The following PRDM12 variants were observed in gnomAD, a reference collection of about 807,000 sequenced individuals.
PRDM12 encodes the protein PR/SET domain 12.
PRDM12 carries 17 observed loss-of-function variants against 29.6 expected under a neutral mutation model. The ratio of observed to expected loss-of-function variants is 0.57; its 90% CI spans 0.39 to 0.86. The LOEUF (loss-of-function observed/expected upper bound fraction) is 0.86. PRDM12 is among the 40% of genes least tolerant of loss of function. The pLI is 0.00. For missense variants in PRDM12, 422 were observed against 510.8 expected, an observed-to-expected ratio of 0.83 and a Z score of 1.68; for synonymous variants, 231 against 225.8, an observed-to-expected ratio of 1.02 and a Z score of -0.21.
In PRDM12 at chr9:130,664,673, C is replaced by T. The variant is rs779277068; in HGVS notation, c.20C>T (p.Pro7Leu). Residue 7 changes from proline (P) to leucine (L), a missense_variant, in exon 1 of 5, where the codon CCG (proline) becomes CTG (leucine). By Grantham distance (98) the Pro-to-Leu change is moderately conservative. This residue lies in a region of PRDM12 where 300 missense variants were observed against 350.0 expected (regional missense o/e 0.86). Transcript: ENST00000253008. The surrounding 1 kb of genome is among the most constrained non-coding windows in gnomAD (Gnocchi z 6.4). ...CCGCCCATGATGGGCTCCGTGCTCC[C>T]GGCTGAGGCCCTGGTGCTCAAGACC... is the stretch of plus-strand genomic sequence containing the variant. MMGSVLPAEALVLKTGL... is the reference protein window; with the variant it reads MMGSVLLAEALVLKTGL... 2.5e-6 allele frequency: 4 copies of T among 1,600,032 alleles called. No individual in the cohort carries two copies. The highest frequency in any genetic ancestry group is 1.7e-5 in the Admixed American group (1 of 59,116).
At chr9:130,680,637 ATATATATATATATATATATATATTTT>A (rs1830887762) in intron 4 of PRDM12, among the ~76,000 whole-genome samples, 1 of 71,020 alleles carries the variant, frequency 1.4e-5, no homozygotes, top group Non-Finnish European at 2.5e-5. Context: ...AAAAAAAAAT[ATATATATATATATATATATATATTTT>A]TTTTTTTTTT....
chr9:130,678,872 T>G (rs758695497), intron 4 of PRDM12, among the ~76,000 whole-genome samples: 4 of 151,844 alleles, frequency 2.6e-5, no homozygotes, highest in African/African-American at 9.7e-5. Context: ...CTGGCCAGAA[T>G]AGACTGTCTG....
intron 3 of PRDM12, among the ~76,000 whole-genome samples, chr9:130,671,052 A>G (rs1351845686): frequency 6.6e-6 from 1 of 152,180 alleles, no homozygotes; most frequent in Non-Finnish European, 1.5e-5. Flanking sequence ...TAAGTTGAAA[A>G]AAGAGGATCA....
intron 4 of PRDM12, among the ~76,000 whole-genome samples, chr9:130,679,111 A>G (rs943869840): frequency 1.2e-4 from 18 of 152,184 alleles, no homozygotes; most frequent in African/African-American, 4.1e-4. Flanking sequence ...TGTCTGGTGC[A>G]GGGCCTGGCA....
At chr9:130,673,893 A>C (rs1588186932) in intron 3 of PRDM12, among the ~76,000 whole-genome samples, 1 of 150,736 alleles carries the variant, frequency 6.6e-6, no homozygotes, top group Non-Finnish European at 1.5e-5. Flanking sequence ...CTGGTCTCGA[A>C]CTCCCAACCT....
rs779277068 is a variant in PRDM12 at position 130,664,673 on chromosome 9, C to G, written c.20C>G (p.Pro7Arg). The change falls in exon 1 of 5, where the codon CCG (proline) becomes CGG (arginine). Residue 7 changes from proline (P) to arginine (R), a missense_variant. Pro to Arg is a moderately radical substitution (Grantham distance 103, BLOSUM62 -2). This residue lies in a region of PRDM12 where 300 missense variants were observed against 350.0 expected (regional missense o/e 0.86). Coordinates refer to ENST00000253008, the MANE Select transcript of PRDM12 (RefSeq NM_021619.3). The surrounding 1 kb of genome is among the most constrained non-coding windows in gnomAD (Gnocchi z 6.4). The stretch of plus-strand genomic sequence containing the variant: ...CCGCCCATGATGGGCTCCGTGCTCC[C>G]GGCTGAGGCCCTGGTGCTCAAGACC... Reference protein sequence around the residue: MMGSVLPAEALVLKTGL... With the variant: MMGSVLRAEALVLKTGL... 6.2e-7 allele frequency: 1 copy of G among 1,600,034 alleles called. No individual in the cohort carries two copies. Among genetic ancestry groups the G allele is most frequent in the Admixed American group, 1.7e-5 (1 of 59,116 alleles).
chr9:130,670,067 G>A (rs1830774284), intron 3 of PRDM12, among the ~76,000 whole-genome samples: 1 of 152,032 alleles, frequency 6.6e-6, no homozygotes, highest in Non-Finnish European at 1.5e-5. Flanking sequence ...AGTGTCCTTT[G>A]GCGGGAAATC....
intron 3 of PRDM12, among the ~76,000 whole-genome samples, chr9:130,677,979 C>T (rs1347821514): frequency 6.6e-6 from 1 of 151,498 alleles, no homozygotes; most frequent in Non-Finnish European, 1.5e-5. Flanking sequence ...TTTTTAGCAT[C>T]TGCCGTGTGC....
At position 130,664,635 on chromosome 9, in the gene PRDM12, G is replaced by T. The variant is rs1455407602; in HGVS notation, c.-19G>T. On this transcript the variant is annotated 5_prime_UTR_variant, in exon 1 of 5. Coordinates refer to ENST00000253008, the MANE Select transcript of PRDM12 (RefSeq NM_021619.3). The surrounding 1 kb of genome is among the most constrained non-coding windows in gnomAD (Gnocchi z 6.4). ...GTCGGCCCGGCCGTCCCCCGGCGCCGGGGAGCTCCGGGCCGCCCATGATGG... is the reference window on the plus strand; with the variant it reads ...GTCGGCCCGGCCGTCCCCCGGCGCCTGGGAGCTCCGGGCCGCCCATGATGG... The T allele has an allele frequency of 9.1e-6, 12 of 1,313,636 alleles. No homozygotes were observed. The highest frequency in any genetic ancestry group is 1.6e-5 in the African/African-American group (1 of 64,416). 81.4% of individuals were successfully genotyped at this position (1,313,636 alleles called of 1,614,324 possible).
chr9:130,675,139 C>T (rs1830829434), intron 3 of PRDM12, among the ~76,000 whole-genome samples: 1 of 152,216 alleles, frequency 6.6e-6, no homozygotes, highest in African/African-American at 2.4e-5. Context: ...CTCGGCCTCC[C>T]AAAGTGCTGG....
Position 130,664,852 on chromosome 9 carries a change from G to T in PRDM12, c.199G>T (p.Val67Leu). ...ASPKTAFTAEVLAQSFSGEVQ... is the reference protein window; with the variant it reads ...ASPKTAFTAELLAQSFSGEVQ... ...CCCCAAGACAGCCTTCACCGCCGAGGTGCTGGCGCAGTCCTTCTCCGGCGG... is the reference window on the plus strand; with the variant it reads ...CCCCAAGACAGCCTTCACCGCCGAGTTGCTGGCGCAGTCCTTCTCCGGCGG... The change falls in exon 1 of 5, where the codon GTG becomes TTG. Residue 67 changes from valine (V) to leucine (L), a missense_variant. This residue lies in a region of PRDM12 where 300 missense variants were observed against 350.0 expected (regional missense o/e 0.86). Coordinates refer to ENST00000253008, the MANE Select transcript of PRDM12 (RefSeq NM_021619.3). The surrounding 1 kb of genome is among the most constrained non-coding windows in gnomAD (Gnocchi z 6.4). 1 of 1,545,842 alleles carries T rather than the reference G, an allele frequency of 6.5e-7. No individual in the cohort carries two copies. The highest frequency in any genetic ancestry group is 8.7e-7 in the Non-Finnish European group (1 of 1,145,834).
intron 4 of PRDM12, among the ~76,000 whole-genome samples, chr9:130,679,408 T>C (rs1830873947): frequency 6.8e-6 from 1 of 148,040 alleles, no homozygotes; most frequent in Non-Finnish European, 1.5e-5. Context: ...TCTTGGCTCA[T>C]TGCAACCTCT....
chr9:130,675,692 C>T (rs190851477), intron 3 of PRDM12, among the ~76,000 whole-genome samples: 2 of 152,228 alleles, frequency 1.3e-5, no homozygotes, highest in Non-Finnish European at 2.9e-5. Flanking sequence ...TGTGAGGAAA[C>T]AGGCCCCACG....
intron 4 of PRDM12, among the ~76,000 whole-genome samples, chr9:130,679,489 T>C (rs1830874762): frequency 6.6e-6 from 1 of 151,804 alleles, no homozygotes; most frequent in Non-Finnish European, 1.5e-5. Flanking sequence ...TGTGCCACCA[T>C]GCCCAGCTAA....
intron 3 of PRDM12, among the ~76,000 whole-genome samples, chr9:130,677,959 G>T (rs112439623): frequency 6.6e-6 from 1 of 152,170 alleles, no homozygotes; most frequent in East Asian, 1.9e-4. Flanking sequence ...TCATCCATCC[G>T]AATGCTTCTT....
intron 3 of PRDM12, among the ~76,000 whole-genome samples, chr9:130,677,448 T>A (rs1564248083): frequency 6.6e-6 from 1 of 152,210 alleles, no homozygotes; most frequent in Non-Finnish European, 1.5e-5. Context: ...TCCCATGCGA[T>A]CTTTTGTGCT....
intron 1 of PRDM12, among the ~76,000 whole-genome samples, chr9:130,665,342 AG>A (rs1390651652): frequency 1.3e-5 from 2 of 152,098 alleles, no homozygotes; most frequent in African/African-American, 2.4e-5. Context: ...GGGGAGAAAA[AG>A]CCGCGGGGAG....
rs1830712811 is a variant in PRDM12, at chr9:130,664,609, C to T, written c.-45C>T. On this transcript the variant is annotated 5_prime_UTR_variant, in exon 1 of 5. Coordinates refer to ENST00000253008, the MANE Select transcript of PRDM12 (RefSeq NM_021619.3). The surrounding 1 kb of genome is among the most constrained non-coding windows in gnomAD (Gnocchi z 6.4). ...TCCCCTCTCGCCCGCCCACCTCCCC[C>T]GTCGGCCCGGCCGTCCCCCGGCGCC... 1.4e-6 allele frequency: 2 copies of T among 1,456,020 alleles called. No homozygotes were observed. Among genetic ancestry groups the T allele is most frequent in the Non-Finnish European group, 1.8e-6 (2 of 1,098,384 alleles). 90.2% of individuals were successfully genotyped at this position (1,456,020 alleles called of 1,614,324 possible). A position where few individuals can be genotyped will look rare whatever the true frequency, so the allele number is the denominator to read the frequency against.
chr9:130,668,153 C>A lies in PRDM12; in HGVS notation c.415-5C>A. ...TTACCTGGTCCTTGATCCATCTGTG[C>A]CCAGGTGTTCAATGAGGATGGCACG... On this transcript the variant is annotated splice_region_variant and splice_polypyrimidine_tract_variant and intron_variant, in intron 2 of 4. Transcript: ENST00000253008. The surrounding 1 kb of genome is among the most constrained non-coding windows in gnomAD (Gnocchi z 4.0). 6.2e-7 allele frequency: 1 copy of A among 1,614,020 alleles called. No individual in the cohort carries two copies. The highest frequency in any genetic ancestry group is 8.5e-7 in the Non-Finnish European group (1 of 1,179,964).
Sources: allele counts gnomAD v4.1 joint callset (sites outside exome capture counted in the v4.1 genomes callset), GRCh38; gene constraint gnomAD v4.1.1; regional missense constraint gnomAD v4.1.1; non-coding constraint Gnocchi (gnomAD v3.1); transcripts MANE v1.5; gene names NCBI Gene and HGNC (gene_info 2026-07-23, HGNC 2026-07-21).